DENND4C: variants seen among roughly 807,000 people sequenced by gnomAD.
The protein encoded by DENND4C is DENN domain containing 4C, also known as DENN domain-containing protein 4C.
In DENND4C, 108 loss-of-function variants were observed where a neutral mutation model predicts 203.0. That is an observed-to-expected ratio of 0.53 (90% CI 0.46 to 0.62). The LOEUF (loss-of-function observed/expected upper bound fraction) is 0.62, where lower values mean the gene tolerates loss of function less well. DENND4C is among the 20% of genes least tolerant of loss of function. The pLI is 0.00. For synonymous variants in DENND4C, 871 were observed against 792.4 expected (o/e 1.10, Z -1.67); for missense variants, 2,481 against 2,301.2 (o/e 1.08, Z -1.60).
At chr9:19,311,546 C>G (rs1024844111) in intron 10 of DENND4C, among the ~76,000 whole-genome samples, 1 of 152,076 alleles carries the variant, frequency 6.6e-6, no homozygotes, top group Non-Finnish European at 1.5e-5. Context: ...TGTAAATATT[C>G]TATGTGAAAG....
intron 10 of DENND4C, among the ~76,000 whole-genome samples, chr9:19,310,010 T>C (rs1326580195): frequency 6.6e-6 from 1 of 152,208 alleles, no homozygotes; most frequent in Non-Finnish European, 1.5e-5. Flanking sequence ...TCACATCTTT[T>C]GTTAGACTTA....
chr9:19,343,533 G>T (rs1035633469), intron 22 of DENND4C, among the ~76,000 whole-genome samples: 21 of 152,208 alleles, frequency 1.4e-4, no homozygotes, highest in African/African-American at 5.1e-4. Flanking sequence ...TTAAACCAAT[G>T]TAAAAGTACT....
At position 19,231,889 on chromosome 9, in the gene DENND4C, C is replaced by T. The variant is rs1337719355; in HGVS notation, c.-18+1056C>T. ...CCTAATTTACGTAGGAATAGGTTTT[C>T]CCTTCCGGTCTGTGTATAATGAGAG... On this transcript the variant is annotated intron_variant, in intron 1 of 32. Transcript: ENST00000434457. 3.9e-5 allele frequency among the ~76,000 whole-genome samples: 6 copies of T among 152,036 alleles called. No individual in the cohort carries two copies. The Middle Eastern group carries it at 0.014, about 347-fold the overall frequency.
In DENND4C at chr9:19,374,206, G is replaced by A. The variant is rs146294439; in HGVS notation, c.*2033G>A. 4.5e-3 allele frequency among the ~76,000 whole-genome samples: 684 copies of A among 151,534 alleles called. 4 individuals carry two copies. Among genetic ancestry groups the A allele is most frequent in the Non-Finnish European group, 8.0e-3 (541 of 67,884 alleles). ...TTTTGTTTTTTCCATTCCTTCACTC[G>A]TAACTTGAACTCAAGTTTTCACTTA... On this transcript the variant is annotated 3_prime_UTR_variant, in exon 33 of 33. Coordinates refer to ENST00000434457, the MANE Select transcript of DENND4C (RefSeq NM_001330640.2).
At chr9:19,239,003 T>A (rs928577344) in intron 1 of DENND4C, among the ~76,000 whole-genome samples, 4 of 152,078 alleles carry the variant, frequency 2.6e-5, no homozygotes, top group Non-Finnish European at 4.4e-5. Flanking sequence ...TGTAACGATA[T>A]GCCTTCTATC....
chr9:19,330,787 C>T (rs550017214), intron 16 of DENND4C, among the ~76,000 whole-genome samples: 3 of 151,956 alleles, frequency 2.0e-5, no homozygotes, highest in African/African-American at 4.8e-5. Context: ...CGGCAGCTCA[C>T]GTCTATAATC....
intron 1 of DENND4C, among the ~76,000 whole-genome samples, chr9:19,248,617 C>T (rs1825822988): frequency 6.6e-6 from 1 of 151,698 alleles, no homozygotes; most frequent in Admixed American, 6.6e-5. Context: ...CTCGAACTCC[C>T]GACCTCAGAT....
In DENND4C at chr9:19,352,587, A is replaced by C. The variant is rs768280276; in HGVS notation, c.4703A>C (p.Asn1568Thr). 1 of 1,613,990 alleles carries C rather than the reference A, an allele frequency of 6.2e-7. No homozygotes were observed. The highest frequency in any genetic ancestry group is 2.2e-5 in the East Asian group (1 of 44,866). ...TGGACAGCAGATGACTCAAATTTGAATACAGCTTGTCCATTCTGTAAAAGC... is the reference window on the plus strand; with the variant it reads ...TGGACAGCAGATGACTCAAATTTGACTACAGCTTGTCCATTCTGTAAAAGC... The part of the protein sequence containing the change: ...AGWTADDSNL[N>T]TACPFCKSNF... Residue 1568 changes from asparagine (N) to threonine (T), a missense_variant, in exon 26 of 33, where the codon AAT becomes ACT. Physicochemically the swap from Asn to Thr is moderately conservative, Grantham distance 65. Transcript: ENST00000434457.
At chr9:19,337,403 TG>T (rs1820724487) in intron 20 of DENND4C, among the ~76,000 whole-genome samples, 2 of 152,210 alleles carry the variant, frequency 1.3e-5, no homozygotes, top group Admixed American at 6.5e-5. Context: ...CTTCTTGTGT[TG>T]TTTTTTTGTT....
In DENND4C at chr9:19,276,475, A is replaced by G; in HGVS notation, c.301A>G (p.Ile101Val). The change falls in exon 2 of 33, where the codon ATT becomes GTT. Residue 101 changes from isoleucine to valine, a missense_variant. Transcript: ENST00000434457. ...RGRDKPPLTD[I>V]GVLYEGKERL... ...GAGAGATAAACCACCGCTTACAGAT[A>G]TTGGGTATGGTGACTTCTTTTCTTT... is the stretch of plus-strand genomic sequence containing the variant. The G allele has an allele frequency of 8.1e-7, 1 of 1,231,962 alleles. No homozygotes were observed. The highest frequency in any genetic ancestry group is 1.0e-6 in the Non-Finnish European group (1 of 987,844). 76.3% of individuals were successfully genotyped at this position (1,231,962 alleles called of 1,614,324 possible). A position where few individuals can be genotyped will look rare whatever the true frequency, so the allele number is the denominator to read the frequency against.
chr9:19,290,615 G>A (rs1387935416), intron 4 of DENND4C, 89 bp from the exon 5 acceptor site: 1 of 879,820 alleles, frequency 1.1e-6, no homozygotes, highest in Non-Finnish European at 1.5e-6. Flanking sequence ...ATGAAATTCG[G>A]CATTAAAATA....
At chr9:19,351,667 C>T (rs764812289) in intron 24 of DENND4C, among the ~76,000 whole-genome samples, 94 of 151,834 alleles carry the variant, frequency 6.2e-4, no homozygotes, top group Non-Finnish European at 1.0e-4. Context: ...ATTAGCCAGG[C>T]GTGGCAGCGT....
chr9:19,357,086 C>G lies in DENND4C; in HGVS notation c.4896C>G (p.Ile1632Met). The G allele has an allele frequency of 6.2e-7, 1 of 1,613,856 alleles. No individual in the cohort carries two copies. Residue 1632 changes from isoleucine (I) to methionine (M), a missense_variant, in exon 27 of 33, where the codon ATC becomes ATG. Physicochemically the swap from Ile to Met is conservative, Grantham distance 10. Coordinates refer to ENST00000434457, the MANE Select transcript of DENND4C (RefSeq NM_001330640.2). ...PVSSLAEPDL[I>M]NFMDFPKHNQ... The stretch of plus-strand genomic sequence containing the variant: ...CCAGTTTAGCAGAACCTGACTTGAT[C>G]AACTTTATGGACTTCCCAAAACATA...
chr9:19,339,728 A>C (rs955532302), intron 20 of DENND4C, among the ~76,000 whole-genome samples: 3 of 152,246 alleles, frequency 2.0e-5, no homozygotes, highest in African/African-American at 7.2e-5. Flanking sequence ...TAAATTTGGC[A>C]TCCATTGATG....
Position 19,328,072 on chromosome 9 carries a change from A to C in DENND4C, c.2163A>C (p.Arg721Ser), listed in dbSNP as rs1207060088. The part of the protein sequence containing the change: ...FPRLDLKLFD[R>S]PQELKLCFSR... Reference sequence around the variant, plus strand: ...GACTGGACCTTAAGCTTTTTGACAGACCGCAGGAGTTGAAACTTTGTTTTA... The same window carrying C: ...GACTGGACCTTAAGCTTTTTGACAGCCCGCAGGAGTTGAAACTTTGTTTTA... Residue 721 changes from arginine to serine, a missense_variant, in exon 16 of 33, where the codon AGA (arginine) becomes AGC (serine). By Grantham distance (110) the Arg-to-Ser change is moderately radical. Transcript: ENST00000434457. 1.2e-6 allele frequency: 2 copies of C among 1,613,124 alleles called. No individual in the cohort carries two copies. The highest frequency in any genetic ancestry group is 1.7e-6 in the Non-Finnish European group (2 of 1,179,680).
At chr9:19,361,676 AAAT>A (rs745609181) in intron 29 of DENND4C, among the ~76,000 whole-genome samples, 167 bp from the exon 30 acceptor site, 9 of 152,354 alleles carry the variant, frequency 5.9e-5, no homozygotes, top group South Asian at 2.1e-4. Context: ...TGACCTCAGA[AAAT>A]AATAATAACA....
chr9:19,328,629 A>ATGTG (rs1312532783), intron 16 of DENND4C, among the ~76,000 whole-genome samples: 3 of 124,252 alleles, frequency 2.4e-5, no homozygotes, highest in Admixed American at 8.6e-5. Context: ...AAGTCTATAT[A>ATGTG]TGTGTCTGTC....
At position 19,319,351 on chromosome 9, in the gene DENND4C, CTT is replaced by C. The variant is rs1491096540; in HGVS notation, c.1807+2513_1807+2514del. ...ACATATATATACACATATATATATA[CTT>C]ATATATACACACATATATATACACA... On this transcript the variant is annotated intron_variant, in intron 12 of 32. Transcript: ENST00000434457. Among the ~76,000 whole-genome samples the C allele has an allele frequency of 4.4e-4, 13 of 29,786 alleles. 1 individual carries two copies. Among genetic ancestry groups the C allele is most frequent in the African/African-American group, 1.3e-3 (13 of 10,096 alleles). The allele number at this position is 29,786 out of a possible 152,430, so 19.5% of individuals were successfully genotyped here.
At position 19,238,465 on chromosome 9, in the gene DENND4C, T is replaced by TCCC. The variant is rs1271017436; in HGVS notation, c.-18+7633_-18+7635dup. On this transcript the variant is annotated intron_variant, in intron 1 of 32. Transcript: ENST00000434457. ...TCTCTTTCCTTCCCCTCCCCTCCCC[T>TCCC]CCCTCTCCCCTCCCCTCCCCCTTCT... Among the ~76,000 whole-genome samples, 9 of 14,050 alleles carry TCCC rather than the reference T, an allele frequency of 6.4e-4. 1 individual carries two copies. The highest frequency in any genetic ancestry group is 2.6e-3 in the African/African-American group (8 of 3,094). 9.2% of individuals were successfully genotyped at this position (14,050 alleles called of 152,430 possible). A position where few individuals can be genotyped will look rare whatever the true frequency, so the allele number is the denominator to read the frequency against.
Sources: gnomAD v4.1 joint callset for allele counts (sites outside exome capture counted in the v4.1 genomes callset) on GRCh38, gnomAD v4.1.1 for gene constraint, MANE v1.5 for transcripts, NCBI Gene and HGNC (gene_info 2026-07-23, HGNC 2026-07-21) for gene names.